LUZP2: variants seen among roughly 807,000 people sequenced by gnomAD.
LUZP2 encodes leucine zipper protein 2.
LUZP2 carries 52 observed loss-of-function variants against 51.6 expected under a neutral mutation model. The ratio of observed to expected loss-of-function variants is 1.01; its 90% confidence interval spans 0.81 to 1.27. LUZP2 has a LOEUF of 1.27. Ranked by LOEUF, LUZP2 falls within the 50% of genes most tolerant of loss-of-function variation. The probability of loss-of-function intolerance (pLI) is 0.00; values close to 1 mark genes in which losing one functional copy is unlikely to be tolerated. For synonymous variants in LUZP2, 154 were observed against 137.3 expected (o/e 1.12, Z -0.85); for missense variants, 436 against 395.4 (o/e 1.10, Z -0.87).
intron 5 of LUZP2, among the ~76,000 whole-genome samples, chr11:24,902,694 G>A (rs1265492917): frequency 6.6e-6 from 1 of 152,086 alleles, no homozygotes; most frequent in Admixed American, 6.6e-5. Context: ...GAAATAAATA[G>A]TATGCTAAAA....
intron 5 of LUZP2, among the ~76,000 whole-genome samples, chr11:24,874,763 T>C (rs931188252): frequency 2.0e-5 from 3 of 152,150 alleles, no homozygotes; most frequent in Non-Finnish European, 4.4e-5. Flanking sequence ...TTCTCATGCA[T>C]TCTGCTAATT....
chr11:24,911,398 C>A (rs541731274), intron 6 of LUZP2, among the ~76,000 whole-genome samples: 1 of 152,024 alleles, frequency 6.6e-6, no homozygotes, highest in Non-Finnish European at 1.5e-5. Context: ...GATTTGTAAT[C>A]CCATAATCTC....
At chr11:25,022,221 T>C (rs1857356284) in intron 9 of LUZP2, among the ~76,000 whole-genome samples, 1 of 152,018 alleles carries the variant, frequency 6.6e-6, no homozygotes, top group Non-Finnish European at 1.5e-5. Context: ...AAATTTTCTT[T>C]CATTATAATT....
intron 5 of LUZP2, among the ~76,000 whole-genome samples, chr11:24,798,385 T>C (rs1849606122): frequency 6.6e-6 from 1 of 152,140 alleles, no homozygotes; most frequent in Non-Finnish European, 1.5e-5. Flanking sequence ...CTTTTAGAGA[T>C]AGAGGCACAC....
chr11:24,823,686 A>T (rs1228557586), intron 5 of LUZP2, among the ~76,000 whole-genome samples: 1 of 152,176 alleles, frequency 6.6e-6, no homozygotes, highest in Non-Finnish European at 1.5e-5. Context: ...AATATTATTG[A>T]GATCGAATCC....
chr11:24,716,320 C>T lies in LUZP2; in HGVS notation c.63-12849C>T, dbSNP rs150327688. Among the ~76,000 whole-genome samples the T allele has an allele frequency of 7.2e-5, 11 of 152,086 alleles. No individual in the cohort carries two copies. The South Asian group carries it at 2.3e-3, about 32-fold the overall frequency. On this transcript the variant is annotated intron_variant, in intron 1 of 11. Transcript: ENST00000336930. ...TTATGAAATTTCTATCCAAAGAAGG[C>T]GTTCAACATACTCTTGGAGGATCTT...
At chr11:24,766,355 G>T (rs7131015) in intron 5 of LUZP2, among the ~76,000 whole-genome samples, 18,142 of 151,768 alleles carry the variant, frequency 0.12, 1,353 homozygotes, top group East Asian at 0.42. Flanking sequence ...AAATCATTTT[G>T]TTTTTCTTTC....
At chr11:24,953,556 A>T (rs373358622) in intron 7 of LUZP2, among the ~76,000 whole-genome samples, 1 of 152,008 alleles carries the variant, frequency 6.6e-6, no homozygotes, top group African/African-American at 2.4e-5. Flanking sequence ...GGAGGGACTG[A>T]AAAAGCTCCT....
At position 24,826,997 on chromosome 11, in the gene LUZP2, T is replaced by C. The variant is rs113657865; in HGVS notation, c.396+63689T>C. Among the ~76,000 whole-genome samples the C allele has an allele frequency of 9.9e-3, 1,512 of 152,256 alleles. 12 individuals are homozygous for C. Among genetic ancestry groups the C allele is most frequent in the Middle Eastern group, 0.054 (16 of 294 alleles). On this transcript the variant is annotated intron_variant, in intron 5 of 11. Coordinates refer to ENST00000336930, the MANE Select transcript of LUZP2 (RefSeq NM_001009909.4). ...CTATCAACATCTCATAGAATCCTTTTCAATAAAATTATAATGTCATTGGGT... is the reference window on the plus strand; with the variant it reads ...CTATCAACATCTCATAGAATCCTTTCCAATAAAATTATAATGTCATTGGGT...
chr11:24,688,531 T>G (rs1793167050), intron 1 of LUZP2, among the ~76,000 whole-genome samples: 1 of 152,204 alleles, frequency 6.6e-6, no homozygotes, highest in East Asian at 1.9e-4. Context: ...AGTAGATCTC[T>G]GTCATAAATA....
chr11:24,608,181 A>G (rs969861013), intron 1 of LUZP2, among the ~76,000 whole-genome samples: 2 of 152,124 alleles, frequency 1.3e-5, no homozygotes, highest in African/African-American at 4.8e-5. Context: ...TTAAGGGTAC[A>G]GCCAGCAAAG....
intron 9 of LUZP2, among the ~76,000 whole-genome samples, chr11:25,044,268 T>C (rs1292267246): frequency 2.5e-5 from 1 of 39,216 alleles, no homozygotes; most frequent in East Asian, 2.9e-4. Flanking sequence ...TATATATATA[T>C]ATATATATAT....
At chr11:24,692,868 C>T (rs1195696319) in intron 1 of LUZP2, among the ~76,000 whole-genome samples, 1 of 151,942 alleles carries the variant, frequency 6.6e-6, no homozygotes, top group Non-Finnish European at 1.5e-5. Context: ...AAACACATGG[C>T]ATTTTCCCTT....
chr11:24,661,951 G>C (rs978132639), intron 1 of LUZP2, among the ~76,000 whole-genome samples: 1 of 152,004 alleles, frequency 6.6e-6, no homozygotes, highest in Non-Finnish European at 1.5e-5. Flanking sequence ...CTTAATTTAT[G>C]GAATACCTGC....
intron 5 of LUZP2, among the ~76,000 whole-genome samples, chr11:24,878,727 G>A (rs78366917): frequency 2.2e-3 from 331 of 151,716 alleles, no homozygotes; most frequent in African/African-American, 7.8e-3. Flanking sequence ...GTGCCATGGC[G>A]CTTTGCTGCA....
At chr11:24,721,050 A>G (rs1392602536) in intron 1 of LUZP2, among the ~76,000 whole-genome samples, 1 of 152,218 alleles carries the variant, frequency 6.6e-6, no homozygotes, top group Non-Finnish European at 1.5e-5. Context: ...TCACATGGCC[A>G]ATAGCAGGAG....
At chr11:24,833,608 T>A (rs11028200) in intron 5 of LUZP2, among the ~76,000 whole-genome samples, 5,915 of 152,198 alleles carry the variant, frequency 0.039, 380 homozygotes, top group African/African-American at 0.13. Context: ...GTGCTCATTT[T>A]TGAGCTCCAC....
chr11:24,771,392 C>A (rs552212702), intron 5 of LUZP2, among the ~76,000 whole-genome samples: 1 of 148,118 alleles, frequency 6.8e-6, no homozygotes, highest in African/African-American at 2.5e-5. Context: ...TACATGGCAT[C>A]GTATCTATTC....
At chr11:25,034,025 G>T (rs1248516633) in intron 9 of LUZP2, among the ~76,000 whole-genome samples, 1 of 152,030 alleles carries the variant, frequency 6.6e-6, no homozygotes, top group Non-Finnish European at 1.5e-5. Flanking sequence ...ACAGCAACTG[G>T]TCTAATTTAC....
Sources: allele counts gnomAD v4.1 joint callset (sites outside exome capture counted in the v4.1 genomes callset), GRCh38; gene constraint gnomAD v4.1.1; transcripts MANE v1.5; gene names NCBI Gene and HGNC (gene_info 2026-07-23, HGNC 2026-07-21).